Variants in FAM135B observed in about 807,000 individuals in gnomAD.
The protein encoded by FAM135B is protein FAM135B.
FAM135B carries 43 observed loss-of-function variants against 127.7 expected under a neutral mutation model. That is an observed-to-expected ratio of 0.34 (90% confidence interval 0.26 to 0.43). FAM135B has a LOEUF of 0.43. Among genes scored for constraint, FAM135B ranks in the 20% least tolerant of loss-of-function variants. The probability of loss-of-function intolerance (pLI) is 1.00; values close to 1 mark genes in which losing one functional copy is unlikely to be tolerated. For missense variants in FAM135B, 1,558 were observed against 1,725.6 expected (o/e 0.90, Z 1.72); for synonymous variants, 670 against 665.1 (o/e 1.01, Z -0.11).
In FAM135B at chr8:138,404,560, G is replaced by A. The variant is rs116514123; in HGVS notation, c.-19-36558C>T. ...GCTAACATTTTACCCAAAGTAGAACGTTTTTCAGAATTAGAGTAAATCCTC... is the reference window on the plus strand; with the variant it reads ...GCTAACATTTTACCCAAAGTAGAACATTTTTCAGAATTAGAGTAAATCCTC... On this transcript the variant is annotated intron_variant, in intron 1 of 19. Coordinates refer to ENST00000395297, the MANE Select transcript of FAM135B (RefSeq NM_015912.4). 2.5e-3 allele frequency among the ~76,000 whole-genome samples: 374 copies of A among 152,266 alleles called. 1 individual carries two copies. Among genetic ancestry groups the A allele is most frequent in the African/African-American group, 8.7e-3 (360 of 41,546 alleles).
At chr8:138,321,218 A>G (rs1336951618) in intron 2 of FAM135B, among the ~76,000 whole-genome samples, 1 of 152,182 alleles carries the variant, frequency 6.6e-6, no homozygotes, top group Admixed American at 6.5e-5. Context: ...AAGCATGGGC[A>G]TGGCATGATG....
At chr8:138,136,089 T>C (rs1219820534) in intron 19 of FAM135B, among the ~76,000 whole-genome samples, 1 of 152,024 alleles carries the variant, frequency 6.6e-6, no homozygotes, top group Non-Finnish European at 1.5e-5. Flanking sequence ...ATGCCCTGTG[T>C]TACTTTTCAT....
At chr8:138,168,746 T>C (rs1460137866) in intron 11 of FAM135B, among the ~76,000 whole-genome samples, 1 of 152,196 alleles carries the variant, frequency 6.6e-6, no homozygotes, top group Non-Finnish European at 1.5e-5. Flanking sequence ...ATCAAGTTTC[T>C]ACAGTAGGGG....
At chr8:138,394,863 C>T (rs1375658337) in intron 1 of FAM135B, among the ~76,000 whole-genome samples, 1 of 152,082 alleles carries the variant, frequency 6.6e-6, no homozygotes, top group African/African-American at 2.4e-5. Context: ...GAGTTAATTG[C>T]CAGCTGGGTA....
At chr8:138,210,031 T>C (rs1428050597) in intron 7 of FAM135B, among the ~76,000 whole-genome samples, 1 of 152,052 alleles carries the variant, frequency 6.6e-6, no homozygotes, top group African/African-American at 2.4e-5. Context: ...TAAATAAGAT[T>C]AATTATGTAG....
At chr8:138,322,274 G>T (rs987197737) in intron 2 of FAM135B, among the ~76,000 whole-genome samples, 1 of 152,142 alleles carries the variant, frequency 6.6e-6, no homozygotes, top group Non-Finnish European at 1.5e-5. Flanking sequence ...CAGCTCCTCT[G>T]CCCCACACCT....
chr8:138,193,679 G>A (rs1816347183), intron 9 of FAM135B, among the ~76,000 whole-genome samples: 1 of 152,206 alleles, frequency 6.6e-6, no homozygotes, highest in South Asian at 2.1e-4. Context: ...TGGAGCCTGA[G>A]GCAGCCCGAG....
chr8:138,140,842 T>C (rs1039580674), intron 17 of FAM135B, among the ~76,000 whole-genome samples: 2 of 152,206 alleles, frequency 1.3e-5, no homozygotes, highest in Non-Finnish European at 2.9e-5. Context: ...CTCCCTCAAG[T>C]GTCCTGGTCA....
chr8:138,191,635 A>G (rs1194790849), intron 9 of FAM135B, among the ~76,000 whole-genome samples: 1 of 152,180 alleles, frequency 6.6e-6, no homozygotes, highest in Non-Finnish European at 1.5e-5. Context: ...TCTGGGAAGC[A>G]CTGGGGGCTT....
chr8:138,408,101 A>G (rs185939151), intron 1 of FAM135B, among the ~76,000 whole-genome samples: 1 of 152,324 alleles, frequency 6.6e-6, no homozygotes, highest in African/African-American at 2.4e-5. Flanking sequence ...GGAACGGGAA[A>G]TGAATATTGG....
chr8:138,308,996 G>A (rs1436514994), intron 3 of FAM135B: 2 of 454,796 alleles, frequency 4.4e-6, no homozygotes, highest in Non-Finnish European at 8.8e-6. Context: ...CTTACCTTGT[G>A]CTGGTTCTTG....
At chr8:138,204,643 C>T (rs35011278) in intron 7 of FAM135B, among the ~76,000 whole-genome samples, 109,354 of 152,060 alleles carry the variant, frequency 0.72, 39,527 homozygotes, top group East Asian at 0.82. Flanking sequence ...GGAACATTCA[C>T]ACAATTTTGG....
intron 7 of FAM135B, among the ~76,000 whole-genome samples, chr8:138,201,640 T>G (rs954376057): frequency 3.3e-5 from 5 of 152,116 alleles, no homozygotes; most frequent in Admixed American, 6.5e-5. Flanking sequence ...TGAAGAGCAT[T>G]GAAAAACCCT....
chr8:138,197,764 C>A (rs1816777783), intron 7 of FAM135B, 95 bp from the exon 8 acceptor site: 2 of 1,385,628 alleles, frequency 1.4e-6, no homozygotes, highest in African/African-American at 2.9e-5. Flanking sequence ...CCAACATTCA[C>A]AAAATGTTTG....
In FAM135B at chr8:138,148,520, C is replaced by A. The variant is rs370103605; in HGVS notation, c.3448G>T (p.Gly1150Trp). The change falls in exon 14 of 20, where the codon GGG becomes TGG. Residue 1150 changes from glycine to tryptophan, a missense_variant and splice_region_variant. This residue lies in a region of FAM135B where 194 missense variants were observed against 333.8 expected (regional missense o/e 0.58). Transcript: ENST00000395297. ...HLVVCVHGLD[G>W]NSADLRLVKT... is the part of the protein sequence containing the mutation. Reference sequence around the variant, plus strand: ...GAAGAAAACTTGTTTTAGAACTCACCATCCAGGCCATGGACACAGACAACC... The same window carrying A: ...GAAGAAAACTTGTTTTAGAACTCACAATCCAGGCCATGGACACAGACAACC... The A allele has an allele frequency of 6.2e-7, 1 of 1,613,090 alleles. No homozygotes were observed. Among genetic ancestry groups the A allele is most frequent in the Non-Finnish European group, 8.5e-7 (1 of 1,179,620 alleles).
At chr8:138,249,371 G>A (rs559348080) in intron 6 of FAM135B, among the ~76,000 whole-genome samples, 9 of 152,158 alleles carry the variant, frequency 5.9e-5, no homozygotes, top group Admixed American at 1.3e-4. Context: ...CTACCACAAC[G>A]GCATTTACCA....
At position 138,307,006 on chromosome 8, in the gene FAM135B, C is replaced by T. The variant is rs138546088; in HGVS notation, c.157+3835G>A. 1.4e-4 allele frequency among the ~76,000 whole-genome samples: 22 copies of T among 152,280 alleles called. No individual in the cohort carries two copies. In the South Asian group the frequency reaches 1.7e-3, roughly 11 times the overall value. On this transcript the variant is annotated intron_variant, in intron 3 of 19. Coordinates refer to ENST00000395297, the MANE Select transcript of FAM135B (RefSeq NM_015912.4). The stretch of plus-strand genomic sequence containing the variant: ...TGTATCCCACTCTCTTATCGTCCAT[C>T]GATGTCCATCTTCCCATCTTACCTT...
At chr8:138,390,136 A>C (rs1304957096) in intron 1 of FAM135B, among the ~76,000 whole-genome samples, 1 of 152,206 alleles carries the variant, frequency 6.6e-6, no homozygotes, top group Non-Finnish European at 1.5e-5. Context: ...CTTGTACTCA[A>C]AACTCTAATA....
At position 138,426,010 on chromosome 8, in the gene FAM135B, T is replaced by TATATATATATAC. The variant is rs1563992442; in HGVS notation, c.-19-58009_-19-58008insGTATATATATAT. The stretch of plus-strand genomic sequence containing the variant: ...ATATATATATATATATATATATATA[T>TATATATATATAC]ATACACACACATACATATACACACA... On this transcript the variant is annotated intron_variant, in intron 1 of 19. Coordinates refer to ENST00000395297, the MANE Select transcript of FAM135B (RefSeq NM_015912.4). Among the ~76,000 whole-genome samples the TATATATATATAC allele has an allele frequency of 1.0e-3, 17 of 16,192 alleles. 1 individual carries two copies. Among genetic ancestry groups the TATATATATATAC allele is most frequent in the East Asian group, 6.3e-3 (6 of 958 alleles). The allele number at this position is 16,192 out of a possible 152,430, so 10.6% of individuals were successfully genotyped here.
Sources: allele counts gnomAD v4.1 joint callset (sites outside exome capture counted in the v4.1 genomes callset), GRCh38; gene constraint gnomAD v4.1.1; regional missense constraint gnomAD v4.1.1; transcripts MANE v1.5; gene names NCBI Gene and HGNC (gene_info 2026-07-23, HGNC 2026-07-21).